The following SNTG1 variants were observed in gnomAD, a reference collection of about 807,000 sequenced individuals.
SNTG1 encodes syntrophin gamma 1, also known as gamma-1-syntrophin.
In SNTG1, 39 loss-of-function variants were observed where a neutral mutation model predicts 74.7. That is an observed-to-expected ratio of 0.52 (90% CI 0.40 to 0.68). SNTG1 has a LOEUF of 0.68. SNTG1 is among the 30% of genes least tolerant of loss of function. The pLI, the probability that SNTG1 is intolerant of heterozygous loss-of-function variation, is 0.00. For missense variants in SNTG1, 685 were observed against 609.5 expected (o/e 1.12, Z -1.30); for synonymous variants, 254 against 217.1 (o/e 1.17, Z -1.49).
At chr8:50,001,892 A>G (rs1276808720) in intron 1 of SNTG1, among the ~76,000 whole-genome samples, 1 of 152,166 alleles carries the variant, frequency 6.6e-6, no homozygotes, top group African/African-American at 2.4e-5. Context: ...CAGGGAACTG[A>G]GCTATGTTTT....
chr8:50,192,642 G>T (rs185172012), intron 2 of SNTG1, among the ~76,000 whole-genome samples: 7 of 151,850 alleles, frequency 4.6e-5, no homozygotes, highest in African/African-American at 1.4e-4. Flanking sequence ...CTGCATAAAA[G>T]CTCTTCAGTT....
chr8:50,784,975 G>C (rs537286388), intron 18 of SNTG1, among the ~76,000 whole-genome samples: 1 of 151,854 alleles, frequency 6.6e-6, no homozygotes, highest in Non-Finnish European at 1.5e-5. Flanking sequence ...AAAAAATCAC[G>C]GTGAAATTAT....
At chr8:50,025,684 A>G (rs572983634) in intron 1 of SNTG1, among the ~76,000 whole-genome samples, 86 of 152,322 alleles carry the variant, frequency 5.6e-4, no homozygotes, top group African/African-American at 2.0e-3. Context: ...TCATATTTTT[A>G]TAAACATTTC....
intron 15 of SNTG1, among the ~76,000 whole-genome samples, chr8:50,691,070 C>A (rs1285598952): frequency 1.3e-5 from 2 of 152,108 alleles, no homozygotes; most frequent in Non-Finnish European, 2.9e-5. Context: ...AGGATTGCAA[C>A]CCCTGCCTTT....
rs149289282 is a variant in SNTG1, at chr8:50,796,379, T to C, written c.*3550T>C. The C allele has an allele frequency of 2.3e-3, 356 of 152,118 alleles. 3 individuals carry two copies. Among genetic ancestry groups the C allele is most frequent in the African/African-American group, 8.2e-3 (340 of 41,558 alleles). The allele number at this position is 152,118 out of a possible 1,614,324, so 9.4% of individuals were successfully genotyped here. ...ATACTTCTAAAATTGTTCTTTATTG[T>C]TTATTCTTACTACCGAATACTTTAA... On this transcript the variant is annotated 3_prime_UTR_variant, in exon 19 of 19. Transcript: ENST00000642720.
chr8:50,494,156 T>C (rs13251708), intron 8 of SNTG1, among the ~76,000 whole-genome samples: 130,449 of 151,580 alleles, frequency 0.86, 56,201 homozygotes, highest in Non-Finnish European at 0.89. Context: ...TATATACACA[T>C]ATATATATGT....
chr8:50,710,316 T>C (rs2095458069), intron 17 of SNTG1, among the ~76,000 whole-genome samples: 1 of 152,146 alleles, frequency 6.6e-6, no homozygotes, highest in Non-Finnish European at 1.5e-5. Flanking sequence ...TGCCATAAAC[T>C]ATTCCTATTA....
intron 15 of SNTG1, among the ~76,000 whole-genome samples, chr8:50,660,385 GGAA>G: frequency 9.8e-6 from 1 of 102,388 alleles, no homozygotes; most frequent in African/African-American, 3.5e-5. Context: ...AAGGAAGGAA[GGAA>G]GGAAGAAAAA....
intron 1 of SNTG1, among the ~76,000 whole-genome samples, chr8:49,955,982 T>C (rs1266260153): frequency 6.6e-6 from 1 of 152,222 alleles, no homozygotes; most frequent in African/African-American, 2.4e-5. Flanking sequence ...CTGCTTTCTT[T>C]TCATTGCCAT....
intron 8 of SNTG1, among the ~76,000 whole-genome samples, chr8:50,477,708 T>A (rs2093707819): frequency 6.6e-6 from 1 of 152,200 alleles, no homozygotes; most frequent in East Asian, 1.9e-4. Flanking sequence ...TAATGAAGGA[T>A]GTTCATATAG....
At chr8:50,066,454 C>G (rs551316507) in intron 1 of SNTG1, among the ~76,000 whole-genome samples, 59 of 152,142 alleles carry the variant, frequency 3.9e-4, no homozygotes, top group African/African-American at 1.3e-3. Flanking sequence ...ACTGGAGTAG[C>G]AACTTTCTGG....
chr8:50,270,853 A>G (rs1307394349), intron 2 of SNTG1, among the ~76,000 whole-genome samples: 1 of 152,170 alleles, frequency 6.6e-6, no homozygotes, highest in Non-Finnish European at 1.5e-5. Flanking sequence ...AGTTTCAATA[A>G]AGAATCAGGA....
chr8:50,204,286 T>A (rs1233600954), intron 2 of SNTG1, among the ~76,000 whole-genome samples: 1 of 152,172 alleles, frequency 6.6e-6, no homozygotes, highest in Non-Finnish European at 1.5e-5. Context: ...AGATGTATAG[T>A]ACATATCTTT....
At chr8:50,285,849 C>A (rs771893557) in intron 2 of SNTG1, among the ~76,000 whole-genome samples, 1 of 149,556 alleles carries the variant, frequency 6.7e-6, no homozygotes, top group African/African-American at 2.5e-5. Flanking sequence ...ATTAACGTGA[C>A]AATGAACAAT....
intron 13 of SNTG1, among the ~76,000 whole-genome samples, chr8:50,640,206 A>G (rs2131167032): frequency 6.6e-6 from 1 of 152,284 alleles, no homozygotes; most frequent in Admixed American, 6.5e-5. Context: ...GCATCTGCCT[A>G]TGAAAAGAAA....
chr8:50,101,523 G>T lies in SNTG1; in HGVS notation c.-102-71038G>T, dbSNP rs1237185428. On this transcript the variant is annotated intron_variant, in intron 1 of 18. Transcript: ENST00000642720. ...GTGGTTTTGATATGCATTTCCTAATGATTAGTGATGGGGAGTATATTTTCT... is the reference window on the plus strand; with the variant it reads ...GTGGTTTTGATATGCATTTCCTAATTATTAGTGATGGGGAGTATATTTTCT... Among the ~76,000 whole-genome samples the T allele has an allele frequency of 2.0e-5, 3 of 151,894 alleles. No homozygotes were observed. In the East Asian group the frequency reaches 5.8e-4, roughly 29 times the overall value.
At chr8:50,369,602 G>GAAA (rs71233488) in intron 2 of SNTG1, among the ~76,000 whole-genome samples, 44,571 of 138,744 alleles carry the variant, frequency 0.32, 6,936 homozygotes, top group South Asian at 0.42. Flanking sequence ...GTCCCAAAAA[G>GAAA]AAAAAAAAAA....
At chr8:50,161,163 A>G (rs2082403978) in intron 1 of SNTG1, among the ~76,000 whole-genome samples, 1 of 152,242 alleles carries the variant, frequency 6.6e-6, no homozygotes, top group Non-Finnish European at 1.5e-5. Flanking sequence ...GAAGAATCAC[A>G]TGATCACATA....
At chr8:50,261,201 G>A (rs1001468547) in intron 2 of SNTG1, among the ~76,000 whole-genome samples, 3 of 152,096 alleles carry the variant, frequency 2.0e-5, no homozygotes, top group Non-Finnish European at 4.4e-5. Context: ...GATAATAATT[G>A]TATCACTCTT....
Sources: allele counts gnomAD v4.1 joint callset (sites outside exome capture counted in the v4.1 genomes callset), GRCh38; gene constraint gnomAD v4.1.1; transcripts MANE v1.5; gene names NCBI Gene and HGNC (gene_info 2026-07-23, HGNC 2026-07-21).